The following FBXL17 variants were observed in gnomAD, a reference collection of about 807,000 sequenced individuals.
The protein encoded by FBXL17 is F-box and leucine rich repeat protein 17, also known as F-box/LRR-repeat protein 17.
FBXL17 carries 22 observed loss-of-function variants against 66.2 expected under a neutral mutation model. The ratio of observed to expected loss-of-function variants is 0.33; its 90% CI spans 0.24 to 0.47. The LOEUF is 0.47. Among genes scored for constraint, FBXL17 ranks in the 20% least tolerant of loss-of-function variants. The pLI, the probability that FBXL17 is intolerant of heterozygous loss-of-function variation, is 1.00. For synonymous variants in FBXL17, 474 were observed against 400.5 expected (o/e 1.18, Z -2.19); for missense variants, 878 against 948.2 (o/e 0.93, Z 0.97).
chr5:108,017,501 C>T (rs1754431003), intron 7 of FBXL17, among the ~76,000 whole-genome samples: 1 of 152,152 alleles, frequency 6.6e-6, no homozygotes, highest in South Asian at 2.1e-4. Flanking sequence ...ACTATGCCAC[C>T]AGGCACTCCA....
At chr5:108,356,699 G>C (rs981296165) in intron 3 of FBXL17, among the ~76,000 whole-genome samples, 1 of 151,930 alleles carries the variant, frequency 6.6e-6, no homozygotes, top group Non-Finnish European at 1.5e-5. Context: ...GAATACAGAG[G>C]ATTTTTAGAG....
At chr5:108,336,002 A>C (rs1760364918) in intron 4 of FBXL17, among the ~76,000 whole-genome samples, 1 of 152,144 alleles carries the variant, frequency 6.6e-6, no homozygotes, top group African/African-American at 2.4e-5. Flanking sequence ...CAAATTGTCC[A>C]AATGTCACTT....
intron 6 of FBXL17, among the ~76,000 whole-genome samples, chr5:108,044,996 C>G (rs948811352): frequency 4.6e-5 from 7 of 151,998 alleles, no homozygotes; most frequent in Middle Eastern, 3.2e-3. Flanking sequence ...TCGTTTCATT[C>G]CTGACATTGG....
chr5:107,918,612 A>G (rs1750210764), intron 7 of FBXL17, among the ~76,000 whole-genome samples: 1 of 152,208 alleles, frequency 6.6e-6, no homozygotes, highest in Non-Finnish European at 1.5e-5. Flanking sequence ...TGCTTTCTAT[A>G]TACATAAACA....
chr5:107,973,390 C>T (rs1442251023), intron 7 of FBXL17, among the ~76,000 whole-genome samples: 1 of 111,334 alleles, frequency 9.0e-6, no homozygotes, highest in African/African-American at 3.6e-5. Context: ...CATCGGTTAT[C>T]AGTCAGGGTT....
At chr5:108,222,203 T>A (rs1336026194) in intron 5 of FBXL17, among the ~76,000 whole-genome samples, 1 of 152,218 alleles carries the variant, frequency 6.6e-6, no homozygotes, top group Non-Finnish European at 1.5e-5. Flanking sequence ...CATCTCAAAA[T>A]GCTGAGGGAA....
At chr5:108,204,297 C>T (rs1361724629) in intron 5 of FBXL17, among the ~76,000 whole-genome samples, 1 of 151,966 alleles carries the variant, frequency 6.6e-6, no homozygotes, top group Non-Finnish European at 1.5e-5. Context: ...TCAAGCAATC[C>T]ACCCACCTCA....
At chr5:108,183,239 C>T (rs1342145389) in intron 6 of FBXL17, among the ~76,000 whole-genome samples, 4 of 151,976 alleles carry the variant, frequency 2.6e-5, no homozygotes, top group Non-Finnish European at 5.9e-5. Context: ...CGGGGTTTCA[C>T]CATGTTAGCC....
At chr5:108,043,581 C>T (rs947868108) in intron 6 of FBXL17, among the ~76,000 whole-genome samples, 7 of 152,152 alleles carry the variant, frequency 4.6e-5, no homozygotes, top group Non-Finnish European at 1.0e-4. Context: ...TTCCATTAAT[C>T]TGTATGTCTA....
intron 6 of FBXL17, among the ~76,000 whole-genome samples, chr5:108,089,070 C>T (rs1749089686): frequency 6.6e-6 from 1 of 152,162 alleles, no homozygotes; most frequent in Non-Finnish European, 1.5e-5. Context: ...TCACTGTCTC[C>T]CCATATTCAA....
chr5:107,986,460 T>G (rs746648306), intron 7 of FBXL17, among the ~76,000 whole-genome samples: 8 of 151,666 alleles, frequency 5.3e-5, no homozygotes, highest in Non-Finnish European at 1.0e-4. Flanking sequence ...TTTATATTAA[T>G]ATATATTTAT....
At chr5:107,866,961 T>A (rs1748292464) in intron 8 of FBXL17, among the ~76,000 whole-genome samples, 1 of 152,120 alleles carries the variant, frequency 6.6e-6, no homozygotes. Context: ...CACTGTCAAA[T>A]CCCTAGCACA....
At chr5:108,157,452 A>T (rs1026458648) in intron 6 of FBXL17, among the ~76,000 whole-genome samples, 1 of 151,860 alleles carries the variant, frequency 6.6e-6, no homozygotes, top group Admixed American at 6.6e-5. Context: ...CGTTTTTTTA[A>T]AGGGAAAATA....
At chr5:107,867,219 T>C (rs560118640) in intron 8 of FBXL17, among the ~76,000 whole-genome samples, 3 of 152,364 alleles carry the variant, frequency 2.0e-5, no homozygotes, top group South Asian at 4.1e-4. Flanking sequence ...TATTGTCTTT[T>C]CCATCTGACA....
In FBXL17 at chr5:108,309,791, A is replaced by G. The variant is rs1759028789; in HGVS notation, c.1506+38608T>C. Reference sequence around the variant, plus strand: ...GTATGGGTAATCTGTGATTTCTGCCATTTGTACTTTACTGTGTTTTCCAAG... The same window carrying G: ...GTATGGGTAATCTGTGATTTCTGCCGTTTGTACTTTACTGTGTTTTCCAAG... On this transcript the variant is annotated intron_variant, in intron 4 of 8. Transcript: ENST00000542267. Among the ~76,000 whole-genome samples, 5 of 152,174 alleles carry G rather than the reference A, an allele frequency of 3.3e-5. No individual in the cohort carries two copies. In the South Asian group the frequency reaches 1.0e-3, roughly 31 times the overall value.
intron 4 of FBXL17, among the ~76,000 whole-genome samples, chr5:108,328,016 A>G (rs945454028): frequency 9.9e-5 from 15 of 152,176 alleles, no homozygotes; most frequent in African/African-American, 3.4e-4. Flanking sequence ...GGAACCTGCA[A>G]TTTGTAAAAT....
chr5:107,903,764 A>G lies in FBXL17; in HGVS notation c.1823-22585T>C, dbSNP rs77034781. Among the ~76,000 whole-genome samples the G allele has an allele frequency of 7.3e-3, 1,114 of 152,294 alleles. 19 individuals carry two copies. The highest frequency in any genetic ancestry group is 0.024 in the African/African-American group (987 of 41,570). The stretch of plus-strand genomic sequence containing the variant: ...AATAATGCCAAAATTACCAGGAAAA[A>G]TAGAAACCATCCTAACACAAAATGC... On this transcript the variant is annotated intron_variant, in intron 7 of 8. Transcript: ENST00000542267.
At chr5:108,021,244 G>C (rs1248274884) in intron 6 of FBXL17, among the ~76,000 whole-genome samples, 2 of 150,828 alleles carry the variant, frequency 1.3e-5, no homozygotes, top group Admixed American at 6.6e-5. Flanking sequence ...ATTCCCATAA[G>C]AGTAATGTTA....
At chr5:107,916,354 C>G (rs376524327) in intron 7 of FBXL17, among the ~76,000 whole-genome samples, 8 of 152,138 alleles carry the variant, frequency 5.3e-5, no homozygotes, top group African/African-American at 1.9e-4. Context: ...AGAACCCAAC[C>G]TTATACACAT....
Sources: gnomAD v4.1 joint callset for allele counts (sites outside exome capture counted in the v4.1 genomes callset) on GRCh38, gnomAD v4.1.1 for gene constraint, MANE v1.5 for transcripts, NCBI Gene and HGNC (gene_info 2026-07-23, HGNC 2026-07-21) for gene names.